The following RTF1 variants were observed in gnomAD, a reference collection of about 807,000 sequenced individuals.
The protein encoded by RTF1 is RNA polymerase-associated protein RTF1 homolog.
Under a neutral mutation model 95.7 loss-of-function variants are expected in RTF1, and 10 were observed. The observed-to-expected ratio is 0.10, with a 90% confidence interval of 0.06 to 0.18. The LOEUF (loss-of-function observed/expected upper bound fraction) is 0.18. Ranked by LOEUF, RTF1 falls within the 10% of genes least tolerant of loss-of-function variation. The pLI, the probability that RTF1 is intolerant of heterozygous loss-of-function variation, is 1.00. For missense variants in RTF1, 458 were observed against 875.6 expected (o/e 0.52, Z 6.02); for synonymous variants, 305 against 311.8 (o/e 0.98, Z 0.23).
Position 41,482,617 on chromosome 15 carries a change from C to A in RTF1, c.*1930C>A, listed in dbSNP as rs1421971911. On this transcript the variant is annotated 3_prime_UTR_variant, in exon 18 of 18. Coordinates refer to ENST00000389629, the MANE Select transcript of RTF1 (RefSeq NM_015138.5). ...ATTGCTAAATATGACTGTAACACAG[C>A]TTTGTGGTAGCTGTGACACAGTTCA... 6.6e-6 allele frequency: 1 copy of A among 152,506 alleles called. No individual in the cohort carries two copies. Among genetic ancestry groups the A allele is most frequent in the Non-Finnish European group, 1.5e-5 (1 of 68,030 alleles). The allele number at this position is 152,506 out of a possible 1,614,324, so 9.4% of individuals were successfully genotyped here. A position where few individuals can be genotyped will look rare whatever the true frequency, so the allele number is the denominator to read the frequency against.
At chr15:41,475,298 A>C (rs1047542672) in intron 9 of RTF1, among the ~76,000 whole-genome samples, 1 of 152,160 alleles carries the variant, frequency 6.6e-6, no homozygotes, top group Non-Finnish European at 1.5e-5. Flanking sequence ...TTTTATTGTA[A>C]ATTGACTTTT....
intron 2 of RTF1, among the ~76,000 whole-genome samples, chr15:41,440,635 G>A (rs372851624): frequency 6.9e-4 from 104 of 151,772 alleles, no homozygotes; most frequent in African/African-American, 2.1e-3. Flanking sequence ...GACTGCAGGC[G>A]CATGTCACCA....
chr15:41,457,217 C>T (rs1018138957), intron 3 of RTF1, among the ~76,000 whole-genome samples: 8 of 152,122 alleles, frequency 5.3e-5, no homozygotes, highest in Non-Finnish European at 1.0e-4. Flanking sequence ...GCCTTGGCAA[C>T]AAAGCGAGAC....
chr15:41,444,954 C>T (rs1283638415), intron 2 of RTF1, among the ~76,000 whole-genome samples: 5 of 151,774 alleles, frequency 3.3e-5, no homozygotes, highest in South Asian at 2.1e-4. Context: ...TTTTTTGAGA[C>T]GGAGTCTCGG....
Position 41,464,878 on chromosome 15 carries a change from A to C in RTF1, c.770A>C (p.Glu257Ala), listed in dbSNP as rs2050872281. Residue 257 changes from glutamate (E) to alanine (A), a missense_variant, in exon 5 of 18, where the codon GAA becomes GCA. By Grantham distance (107) the Glu-to-Ala change is moderately radical (BLOSUM62 -1). Around this residue, in one of 11 missense-constraint regions of RTF1, gnomAD observed 39 missense variants for 43.8 expected, o/e 0.89. Transcript: ENST00000389629. The stretch of plus-strand genomic sequence containing the variant: ...AAGAAAAAACTGACACAGATTCAAG[A>C]ATCTCAGGTAGGAGATTCAGTGTTC... ...QEKKKLTQIQ[E>A]SQVTSHNKER... 6.5e-7 allele frequency: 1 copy of C among 1,527,842 alleles called. No individual in the cohort carries two copies. The highest frequency in any genetic ancestry group is 2.5e-5 in the East Asian group (1 of 40,782). 94.6% of individuals were successfully genotyped at this position (1,527,842 alleles called of 1,614,324 possible).
At chr15:41,478,431 A>T in intron 14 of RTF1, 117 bp from the exon 15 acceptor site, 48 of 729,876 alleles carry the variant, frequency 6.6e-5, no homozygotes, top group Middle Eastern at 2.6e-4. Flanking sequence ...AAAAAGGAAA[A>T]GGATAATAGC....
chr15:41,478,900 A>G, intron 15 of RTF1: 1 of 597,504 alleles, frequency 1.7e-6, no homozygotes, highest in Non-Finnish European at 2.9e-6. Context: ...TCCCTTAGCT[A>G]GGGCCTGGCT....
intron 1 of RTF1, among the ~76,000 whole-genome samples, chr15:41,421,893 G>A (rs1470647246): frequency 6.6e-6 from 1 of 151,922 alleles, no homozygotes; most frequent in East Asian, 1.9e-4. Flanking sequence ...AAAATCATTT[G>A]TAGAGATGGG....
In RTF1 at chr15:41,471,156, C is replaced by G. The variant is rs776420495; in HGVS notation, c.1026-16C>G. 7 of 1,578,616 alleles carry G rather than the reference C, an allele frequency of 4.4e-6. No individual in the cohort carries two copies. Among genetic ancestry groups the G allele is most frequent in the African/African-American group, 1.4e-5 (1 of 73,036 alleles). On this transcript the variant is annotated splice_polypyrimidine_tract_variant and intron_variant, in intron 7 of 17. Transcript: ENST00000389629. ...TATGATGAACATTTTTTCCAGTGCC[C>G]CTTTGTTCCTCTTAGGAAAGAAGAG...
chr15:41,467,357 C>T (rs965847433), intron 6 of RTF1, among the ~76,000 whole-genome samples: 2 of 151,998 alleles, frequency 1.3e-5, no homozygotes, highest in Non-Finnish European at 2.9e-5. Context: ...ACTATGGGGC[C>T]GGGAAGAATG....
intron 2 of RTF1, among the ~76,000 whole-genome samples, chr15:41,441,516 T>C (rs1182917860): frequency 6.6e-6 from 1 of 152,210 alleles, no homozygotes; most frequent in African/African-American, 2.4e-5. Context: ...CAGTTAGTAC[T>C]GAGATTCCCT....
At chr15:41,440,979 T>TC (rs1160244530) in intron 2 of RTF1, among the ~76,000 whole-genome samples, 1 of 146,588 alleles carries the variant, frequency 6.8e-6, no homozygotes, top group South Asian at 2.2e-4. Context: ...TTTTTTTTTT[T>TC]TTTTTTTTTT....
intron 8 of RTF1, 70 bp downstream of exon 8, chr15:41,471,419 T>C: frequency 6.8e-7 from 1 of 1,476,960 alleles, no homozygotes; most frequent in African/African-American, 1.4e-5. Flanking sequence ...GGGCAGGAGC[T>C]ACTGAAAAAA....
At chr15:41,476,035 G>A (rs1004521657) in intron 11 of RTF1, among the ~76,000 whole-genome samples, 1 of 152,186 alleles carries the variant, frequency 6.6e-6, no homozygotes, top group African/African-American at 2.4e-5. Context: ...TGTATTCAGA[G>A]TTCAGATGAG....
intron 2 of RTF1, among the ~76,000 whole-genome samples, chr15:41,444,981 G>A (rs911467934): frequency 3.3e-5 from 5 of 151,356 alleles, no homozygotes; most frequent in Admixed American, 6.6e-5. Context: ...GCCCAGGCTG[G>A]AGTGCAGTGG....
intron 2 of RTF1, among the ~76,000 whole-genome samples, chr15:41,447,609 T>C (rs1040610917): frequency 6.6e-6 from 1 of 152,228 alleles, no homozygotes; most frequent in Non-Finnish European, 1.5e-5. Context: ...ATTTACAAAA[T>C]ACTTTTCTGG....
intron 6 of RTF1, among the ~76,000 whole-genome samples, chr15:41,467,252 C>T (rs2050885219): frequency 2.0e-5 from 3 of 152,036 alleles, no homozygotes; most frequent in South Asian, 4.1e-4. Flanking sequence ...CCAGTAAACC[C>T]CGAGCACTTT....
intron 1 of RTF1, among the ~76,000 whole-genome samples, chr15:41,422,550 A>T (rs2050607674): frequency 6.6e-6 from 1 of 152,212 alleles, no homozygotes; most frequent in African/African-American, 2.4e-5. Context: ...TAATAAAGGA[A>T]CCAGAGTTCT....
intron 1 of RTF1, among the ~76,000 whole-genome samples, chr15:41,431,300 T>A (rs577956603): frequency 2.0e-5 from 3 of 148,960 alleles, no homozygotes; most frequent in Admixed American, 6.8e-5. Flanking sequence ...CTGCAACCTC[T>A]GCCTTCTGGT....
Sources: gnomAD v4.1 joint callset for allele counts (sites outside exome capture counted in the v4.1 genomes callset) on GRCh38, gnomAD v4.1.1 for gene constraint, gnomAD v4.1.1 regional missense constraint, MANE v1.5 for transcripts, NCBI Gene and HGNC (gene_info 2026-07-23, HGNC 2026-07-21) for gene names.